Variants in PIK3R4 observed in about 807,000 individuals in gnomAD.
The protein encoded by PIK3R4 is phosphoinositide-3-kinase regulatory subunit 4, also known as phosphoinositide 3-kinase regulatory subunit 4.
PIK3R4 carries 46 observed loss-of-function variants against 136.5 expected under a neutral mutation model. The ratio of observed to expected loss-of-function variants is 0.34; its 90% confidence interval spans 0.27 to 0.43. The LOEUF (loss-of-function observed/expected upper bound fraction) is 0.43. Among genes scored for constraint, PIK3R4 ranks in the 20% least tolerant of loss-of-function variants. PIK3R4 has a pLI of 1.00. For missense variants in PIK3R4, 1,331 were observed against 1,649.5 expected, an observed-to-expected ratio of 0.81 and a Z score of 3.35; for synonymous variants, 557 against 566.7, an observed-to-expected ratio of 0.98 and a Z score of 0.24.
chr3:130,687,220 A>G (rs1477822807), intron 14 of PIK3R4, among the ~76,000 whole-genome samples: 1 of 152,178 alleles, frequency 6.6e-6, no homozygotes, highest in Non-Finnish European at 1.5e-5. Context: ...ACTTTTGTGC[A>G]TGAGACAAAG....
In PIK3R4 at chr3:130,734,035, G is replaced by A. The variant is rs932107927; in HGVS notation, c.963C>T (p.Tyr321=). 4 of 1,614,104 alleles carry A rather than the reference G, an allele frequency of 2.5e-6. No homozygotes were observed. The highest frequency in any genetic ancestry group is 1.7e-5 in the Admixed American group (1 of 60,006). ...QRGNAFPEIF[Y]TFLQPYMAQF... is the part of the protein sequence containing the mutation. Reference sequence around the variant, plus strand: ...GGGCCATGTAGGGCTGAAGAAAAGTGTAAAATATTTCAGGAAAGGCATTGC... The same window carrying A: ...GGGCCATGTAGGGCTGAAGAAAAGTATAAAATATTTCAGGAAAGGCATTGC... The change falls in exon 4 of 20, where the codon TAC becomes TAT. Residue 321 remains tyrosine (Y), a synonymous_variant. Transcript: ENST00000356763.
In PIK3R4 at chr3:130,720,577, A is replaced by C. The variant is rs11915121; in HGVS notation, c.1982-2043T>G. ...AAGGAGTAACAAAGAAATCATAATC[A>C]CCATCAAAACCACCACCACCATTCT... On this transcript the variant is annotated intron_variant, in intron 7 of 19. Transcript: ENST00000356763. 1.5e-3 allele frequency among the ~76,000 whole-genome samples: 231 copies of C among 152,326 alleles called. 1 individual carries two copies. The highest frequency in any genetic ancestry group is 3.1e-3 in the Non-Finnish European group (210 of 68,024).
intron 7 of PIK3R4, among the ~76,000 whole-genome samples, chr3:130,721,141 C>T (rs1318362207): frequency 6.6e-6 from 1 of 151,944 alleles, no homozygotes; most frequent in Non-Finnish European, 1.5e-5. Flanking sequence ...CGAGACCATC[C>T]TGGCTAACAC....
At chr3:130,720,038 G>A (rs1490777368) in intron 7 of PIK3R4, among the ~76,000 whole-genome samples, 4 of 152,074 alleles carry the variant, frequency 2.6e-5, no homozygotes, top group African/African-American at 7.2e-5. Context: ...GGTGCATGAC[G>A]AAAAATTTAC....
intron 14 of PIK3R4, among the ~76,000 whole-genome samples, 157 bp from the exon 15 acceptor site, chr3:130,686,579 G>C (rs1489224199): frequency 6.6e-6 from 1 of 152,108 alleles, no homozygotes; most frequent in Non-Finnish European, 1.5e-5. Flanking sequence ...AATTCCAGAT[G>C]TAGAGAAGAA....
At chr3:130,733,300 T>C (rs1043027261) in intron 4 of PIK3R4, among the ~76,000 whole-genome samples, 1 of 152,234 alleles carries the variant, frequency 6.6e-6, no homozygotes, top group Non-Finnish European at 1.5e-5. Flanking sequence ...CCAAGTCGAA[T>C]GTAGTATTCC....
chr3:130,728,205 G>A (rs2107617523), intron 6 of PIK3R4, among the ~76,000 whole-genome samples: 1 of 152,144 alleles, frequency 6.6e-6, no homozygotes, highest in East Asian at 1.9e-4. Flanking sequence ...GTACTTTCCA[G>A]GTCATTATTC....
chr3:130,690,894 CTTTTT>C (rs1247659280), intron 13 of PIK3R4, among the ~76,000 whole-genome samples: 1 of 131,882 alleles, frequency 7.6e-6, no homozygotes, highest in African/African-American at 3.1e-5. Flanking sequence ...TCCTTCTCCT[CTTTTT>C]TTTTTTTTTT....
chr3:130,740,013 T>C (rs558748549), intron 2 of PIK3R4, among the ~76,000 whole-genome samples: 5 of 152,216 alleles, frequency 3.3e-5, no homozygotes, highest in Non-Finnish European at 7.3e-5. Context: ...TTAACAGTAA[T>C]GCACCTATGG....
At chr3:130,688,104 TATC>T (rs2066498710) in intron 14 of PIK3R4, among the ~76,000 whole-genome samples, 1 of 152,190 alleles carries the variant, frequency 6.6e-6, no homozygotes, top group Non-Finnish European at 1.5e-5. Flanking sequence ...CATACACAAA[TATC>T]ATGAGTCCAT....
chr3:130,708,584 C>A, intron 9 of PIK3R4, 92 bp from the exon 10 acceptor site: 1 of 1,124,340 alleles, frequency 8.9e-7, no homozygotes, highest in Non-Finnish European at 1.3e-6. Context: ...GACAAATCAC[C>A]CAATTTAAAA....
chr3:130,687,773 G>T (rs1402636815), intron 14 of PIK3R4, among the ~76,000 whole-genome samples: 1 of 152,114 alleles, frequency 6.6e-6, no homozygotes, highest in African/African-American at 2.4e-5. Context: ...TTTCATGTTA[G>T]CTCTTGTGCC....
intron 9 of PIK3R4, among the ~76,000 whole-genome samples, chr3:130,711,202 C>T (rs567864135): frequency 6.6e-6 from 1 of 152,060 alleles, no homozygotes; most frequent in East Asian, 1.9e-4. Flanking sequence ...CAACTTCAAA[C>T]TGTACAAAAC....
Position 130,679,177 on chromosome 3 carries a change from T to TAGTC in PIK3R4, c.*134_*137dup, listed in dbSNP as rs748325526. On this transcript the variant is annotated 3_prime_UTR_variant, in exon 20 of 20. Coordinates refer to ENST00000356763, the MANE Select transcript of PIK3R4 (RefSeq NM_014602.3). ...CATCTTAACCATTTTGGGTGTCATT[T>TAGTC]AGTCAGTCAGTCATGAAACAGTAAT... The TAGTC allele has an allele frequency of 1.7e-5, 8 of 469,138 alleles. No homozygotes were observed. Among genetic ancestry groups the TAGTC allele is most frequent in the African/African-American group, 4.0e-5 (2 of 50,132 alleles). 29.1% of individuals were successfully genotyped at this position (469,138 alleles called of 1,614,324 possible). A position where few individuals can be genotyped will look rare whatever the true frequency, so the allele number is the denominator to read the frequency against.
At chr3:130,716,130 C>T (rs772067868) in intron 9 of PIK3R4, among the ~76,000 whole-genome samples, 1 of 152,108 alleles carries the variant, frequency 6.6e-6, no homozygotes, top group Admixed American at 6.6e-5. Context: ...ACTGTCTTTC[C>T]CTCATTTATT....
At chr3:130,727,672 CATA>C (rs2066740862) in intron 6 of PIK3R4, among the ~76,000 whole-genome samples, 1 of 152,088 alleles carries the variant, frequency 6.6e-6, no homozygotes, top group African/African-American at 2.4e-5. Context: ...AGTGGATAAT[CATA>C]ATAATATGAA....
chr3:130,726,184 C>A (rs1415839202), intron 6 of PIK3R4, among the ~76,000 whole-genome samples: 1 of 151,388 alleles, frequency 6.6e-6, no homozygotes, highest in East Asian at 1.9e-4. Context: ...ATTTAAATAT[C>A]CAAAAGGGTT....
At chr3:130,699,915 T>C (rs2066566281) in intron 13 of PIK3R4, among the ~76,000 whole-genome samples, 1 of 152,186 alleles carries the variant, frequency 6.6e-6, no homozygotes, top group East Asian at 1.9e-4. Context: ...AGGCTTGTGA[T>C]ACATATATTG....
chr3:130,744,758 AC>A lies in PIK3R4; in HGVS notation c.460del (p.Val154Ter). On this transcript the variant is annotated frameshift_variant, in exon 2 of 20. Coordinates refer to ENST00000356763, the MANE Select transcript of PIK3R4 (RefSeq NM_014602.3). LOFTEE classifies it high-confidence loss of function. Reference protein sequence around the residue: ...VRHGDIKTENVMVTSWNWVLL... With the variant: ...VRHGDIKTENXMVTSWNWVLL... The stretch of plus-strand genomic sequence containing the variant: ...AACCCAATTCCAACTGGTGACCATC[AC>A]ATTCTCAGTCTTGATGTCCCCATGA... 1 of 1,614,254 alleles carries A rather than the reference AC, an allele frequency of 6.2e-7. No homozygotes were observed. Among genetic ancestry groups the A allele is most frequent in the Non-Finnish European group, 8.5e-7 (1 of 1,180,040 alleles).
Sources: gnomAD v4.1 joint callset for allele counts (sites outside exome capture counted in the v4.1 genomes callset) on GRCh38, gnomAD v4.1.1 for gene constraint, MANE v1.5 for transcripts, NCBI Gene and HGNC (gene_info 2026-07-23, HGNC 2026-07-21) for gene names.